Variants in ZHX2 observed in about 807,000 individuals in gnomAD.
ZHX2 encodes zinc fingers and homeoboxes protein 2.
Under a neutral mutation model 21.9 loss-of-function variants are expected in ZHX2, and 6 were observed. That is an observed-to-expected ratio of 0.27 (90% CI 0.15 to 0.54). The LOEUF is 0.54. Among genes scored for constraint, ZHX2 ranks in the 20% least tolerant of loss-of-function variants. ZHX2 has a pLI of 0.95. For missense variants in ZHX2, 908 were observed against 1,090.7 expected (o/e 0.83, Z 2.36); for synonymous variants, 434 against 437.1 (o/e 0.99, Z 0.09).
intron 1 of ZHX2, among the ~76,000 whole-genome samples, chr8:122,846,407 G>T (rs1000966035): frequency 6.6e-6 from 1 of 152,170 alleles, no homozygotes; most frequent in African/African-American, 2.4e-5. Flanking sequence ...GAATGCTGCC[G>T]CTGGCTCTGA....
chr8:122,878,027 C>G (rs1447080338), intron 2 of ZHX2, among the ~76,000 whole-genome samples: 1 of 152,048 alleles, frequency 6.6e-6, no homozygotes, highest in Non-Finnish European at 1.5e-5. Context: ...TCCCTCCTAT[C>G]AGGATTTCAC....
In ZHX2 at chr8:122,953,790, G is replaced by T. The variant is rs894002825; in HGVS notation, c.2280G>T (p.Leu760Phe). ...KVGSEPAKDC[L>F]PAKPSEATSD... ...GCAGCGAGCCAGCAAAAGACTGTTT[G>T]CCAGCAAAGCCCTCAGAGGCCACCT... The change falls in exon 3 of 4, where the codon TTG becomes TTT. Residue 760 changes from leucine to phenylalanine, a missense_variant. Leu to Phe is a conservative substitution (Grantham distance 22). Transcript: ENST00000314393. This position sits in a 1 kb window ranked among gnomAD's most constrained non-coding sequence, Gnocchi z 4.6. 11 of 1,614,140 alleles carry T rather than the reference G, an allele frequency of 6.8e-6. No homozygotes were observed. The Admixed American group carries it at 1.8e-4, about 27-fold the overall frequency.
Position 122,891,269 on chromosome 8 carries a change from ATTGTGT to A in ZHX2, c.-220+27731_-220+27736del, listed in dbSNP as rs1255558095. 4.0e-3 allele frequency among the ~76,000 whole-genome samples: 562 copies of A among 138,830 alleles called. 4 individuals carry two copies. Among genetic ancestry groups the A allele is most frequent in the East Asian group, 0.012 (57 of 4,706 alleles). The allele number at this position is 138,830 out of a possible 152,430, so 91.1% of individuals were successfully genotyped here. On this transcript the variant is annotated intron_variant, in intron 2 of 3. Coordinates refer to ENST00000314393, the MANE Select transcript of ZHX2 (RefSeq NM_014943.5). ...TTTCTTCCTGGTTCAATCTTGGTAGATTGTGTGTGTGTGTGTGTGTGTGTGTGTGTG... is the reference window on the plus strand; with the variant it reads ...TTTCTTCCTGGTTCAATCTTGGTAGAGTGTGTGTGTGTGTGTGTGTGTGTG...
intron 2 of ZHX2, among the ~76,000 whole-genome samples, chr8:122,868,758 G>T (rs1042323035): frequency 4.0e-5 from 6 of 151,626 alleles, no homozygotes; most frequent in Non-Finnish European, 5.9e-5. Context: ...TGGTCAAGAG[G>T]CTGAGGCAGG....
rs190154076 is a variant in ZHX2, at chr8:122,828,722, G to A, written c.-282-34755G>A. ...CATTTAATCGCAGGTGTGTTCCCAC[G>A]CTTCGCAGGGCTGATGGATCGTGCC... On this transcript the variant is annotated intron_variant, in intron 1 of 3. Coordinates refer to ENST00000314393, the MANE Select transcript of ZHX2 (RefSeq NM_014943.5). This position sits in a 1 kb window ranked among gnomAD's most constrained non-coding sequence, Gnocchi z 5.2. 5.3e-5 allele frequency among the ~76,000 whole-genome samples: 8 copies of A among 152,314 alleles called. No homozygotes were observed. Among genetic ancestry groups the A allele is most frequent in the Admixed American group, 3.3e-4 (5 of 15,308 alleles).
intron 1 of ZHX2, among the ~76,000 whole-genome samples, chr8:122,861,088 G>A (rs987352714): frequency 2.7e-5 from 4 of 149,514 alleles, no homozygotes; most frequent in Non-Finnish European, 4.4e-5. Flanking sequence ...GTCTAACATG[G>A]CCTTTGCACA....
chr8:122,901,149 G>T (rs560722964), intron 2 of ZHX2, among the ~76,000 whole-genome samples: 2 of 152,128 alleles, frequency 1.3e-5, no homozygotes, highest in African/African-American at 4.8e-5. Flanking sequence ...CGTGGTATTT[G>T]TCTAGAGCGC....
In ZHX2 at chr8:122,842,599, C is replaced by T. The variant is rs79031309; in HGVS notation, c.-282-20878C>T. 5.1e-3 allele frequency among the ~76,000 whole-genome samples: 775 copies of T among 152,182 alleles called. 3 individuals are homozygous for T. The highest frequency in any genetic ancestry group is 9.4e-3 in the Non-Finnish European group (637 of 67,992). ...GCAGGCACCTGTAGTCCCAGCTACTCGGGAGGCTGAGGCAGGAGAATGGTG... is the reference window on the plus strand; with the variant it reads ...GCAGGCACCTGTAGTCCCAGCTACTTGGGAGGCTGAGGCAGGAGAATGGTG... On this transcript the variant is annotated intron_variant, in intron 1 of 3. Coordinates refer to ENST00000314393, the MANE Select transcript of ZHX2 (RefSeq NM_014943.5).
chr8:122,869,878 T>A (rs1819388955), intron 2 of ZHX2, among the ~76,000 whole-genome samples: 1 of 152,198 alleles, frequency 6.6e-6, no homozygotes, highest in South Asian at 2.1e-4. Flanking sequence ...GATGACTAAA[T>A]GAGTCTGTGG....
chr8:122,927,383 T>C (rs926398427), intron 2 of ZHX2, among the ~76,000 whole-genome samples: 2 of 152,032 alleles, frequency 1.3e-5, no homozygotes, highest in Admixed American at 6.6e-5. Context: ...TAATCCCAGA[T>C]ACTTGGGAGG....
At chr8:122,789,349 T>C (rs1376495221) in intron 1 of ZHX2, among the ~76,000 whole-genome samples, 1 of 152,224 alleles carries the variant, frequency 6.6e-6, no homozygotes, top group Non-Finnish European at 1.5e-5. Context: ...TGGGCTGAAT[T>C]GCTCTAAGGA....
At chr8:122,796,994 C>T (rs1401184611) in intron 1 of ZHX2, among the ~76,000 whole-genome samples, 1 of 152,138 alleles carries the variant, frequency 6.6e-6, no homozygotes, top group Non-Finnish European at 1.5e-5. Context: ...GGTTCCTTGG[C>T]ATTGTCAATG....
chr8:122,948,893 C>G (rs1049662979), intron 2 of ZHX2, among the ~76,000 whole-genome samples: 1 of 152,118 alleles, frequency 6.6e-6, no homozygotes, highest in Admixed American at 6.5e-5. Context: ...TTTCAGCTAT[C>G]AAGACAGGGA....
chr8:122,947,402 G>T (rs1364875113), intron 2 of ZHX2, among the ~76,000 whole-genome samples: 1 of 152,188 alleles, frequency 6.6e-6, no homozygotes, highest in Non-Finnish European at 1.5e-5. Flanking sequence ...TTGAGCACTG[G>T]GAATGTGGCT....
chr8:122,939,674 A>G (rs186959952), intron 2 of ZHX2, among the ~76,000 whole-genome samples: 1 of 152,364 alleles, frequency 6.6e-6, no homozygotes, highest in East Asian at 1.9e-4. Flanking sequence ...GGCAAAATCT[A>G]CTAAAACAGA....
intron 1 of ZHX2, among the ~76,000 whole-genome samples, chr8:122,795,207 C>T (rs1158273301): frequency 2.0e-5 from 3 of 152,234 alleles, no homozygotes; most frequent in Non-Finnish European, 2.9e-5. Flanking sequence ...AGTTGCTGCT[C>T]GCTGCTGCCC....
intron 2 of ZHX2, among the ~76,000 whole-genome samples, chr8:122,907,314 G>A (rs183039549): frequency 2.6e-5 from 4 of 152,256 alleles, no homozygotes; most frequent in Admixed American, 6.5e-5. Context: ...ACATTGGTTC[G>A]GTCTAGAAAG....
chr8:122,970,276 G>T (rs890976067), intron 3 of ZHX2, among the ~76,000 whole-genome samples: 4 of 152,202 alleles, frequency 2.6e-5, no homozygotes, highest in Admixed American at 1.3e-4. Flanking sequence ...CTGAAATGTG[G>T]ACTTTGTCAC....
chr8:122,806,467 C>T (rs775527658), intron 1 of ZHX2, among the ~76,000 whole-genome samples: 1 of 152,148 alleles, frequency 6.6e-6, no homozygotes, highest in African/African-American at 2.4e-5. Context: ...AACTCATGAA[C>T]GCTGCCCAGA....
Sources: allele counts gnomAD v4.1 joint callset (sites outside exome capture counted in the v4.1 genomes callset), GRCh38; gene constraint gnomAD v4.1.1; non-coding constraint Gnocchi (gnomAD v3.1); transcripts MANE v1.5; gene names NCBI Gene and HGNC (gene_info 2026-07-23, HGNC 2026-07-21).